Variants in ZNF462 observed in about 807,000 individuals in gnomAD.
ZNF462 encodes zinc finger PBX1-interacting protein.
ZNF462 carries 10 observed loss-of-function variants against 201.9 expected under a neutral mutation model. The observed-to-expected ratio is 0.05, with a 90% CI of 0.03 to 0.08. ZNF462 has a LOEUF of 0.08. Ranked by LOEUF, ZNF462 falls within the 10% of genes least tolerant of loss-of-function variation. The pLI, the probability that ZNF462 is intolerant of heterozygous loss-of-function variation, is 1.00. For missense variants in ZNF462, 2,523 were observed against 3,168.3 expected, an observed-to-expected ratio of 0.80 and a Z score of 4.89; for synonymous variants, 1,227 against 1,193.3, an observed-to-expected ratio of 1.03 and a Z score of -0.58.
intron 1 of ZNF462, among the ~76,000 whole-genome samples, chr9:106,875,071 C>A (rs924280973): frequency 4.6e-5 from 7 of 152,122 alleles, no homozygotes; most frequent in Non-Finnish European, 1.0e-4. Flanking sequence ...TCAAAATTGA[C>A]CCCAGCATAG....
Position 106,890,416 on chromosome 9 carries a change from A to C in ZNF462, c.-31+27061A>C, listed in dbSNP as rs1485042978. 6.6e-6 allele frequency among the ~76,000 whole-genome samples: 1 copy of C among 152,158 alleles called. No individual in the cohort carries two copies. Among genetic ancestry groups the C allele is most frequent in the African/African-American group, 2.4e-5 (1 of 41,424 alleles). On this transcript the variant is annotated intron_variant, in intron 1 of 12. Coordinates refer to ENST00000277225, the MANE Select transcript of ZNF462 (RefSeq NM_021224.6). The surrounding 1 kb of genome is among the most constrained non-coding windows in gnomAD (Gnocchi z 4.2). ...GGAGAATTCCTTCATTTCCTTCTGG[A>C]GTCCTTTTTGGGCATACAAAAATCT...
At chr9:107,001,138 C>T (rs533711759) in intron 10 of ZNF462, among the ~76,000 whole-genome samples, 11 of 152,180 alleles carry the variant, frequency 7.2e-5, no homozygotes, top group African/African-American at 2.6e-4. Context: ...GGAAAGGCTG[C>T]CTTTTATGTG....
chr9:106,862,792 G>A (rs1827112318), upstream of ZNF462, among the ~76,000 whole-genome samples: 1 of 152,086 alleles, frequency 6.6e-6, no homozygotes, highest in Non-Finnish European at 1.5e-5. The surrounding 1 kb of genome is among the most constrained non-coding windows in gnomAD (Gnocchi z 4.2). Flanking sequence ...TCGAGCTCTT[G>A]GATAATTCTT....
rs566923526 is a variant in ZNF462, at chr9:106,925,541, G to A, written c.1629G>A (p.Pro543=). 45 of 1,613,012 alleles carry A rather than the reference G, an allele frequency of 2.8e-5. No homozygotes were observed. The highest frequency in any genetic ancestry group is 2.5e-4 in the South Asian group (23 of 90,988). Residue 543 remains proline (P), a synonymous_variant, in exon 3 of 13, where the codon CCG becomes CCA. Coordinates refer to ENST00000277225, the MANE Select transcript of ZNF462 (RefSeq NM_021224.6). This position sits in a 1 kb window ranked among gnomAD's most constrained non-coding sequence, Gnocchi z 7.9. ...ATCCCTTGCAGCAGCAACAGCCACCGCAGCCACCACCACCGCCGCCGCCAC... is the reference window on the plus strand; with the variant it reads ...ATCCCTTGCAGCAGCAACAGCCACCACAGCCACCACCACCGCCGCCGCCAC... ...MLDPLQQQQP[P]QPPPPPPPPP...
intron 1 of ZNF462, among the ~76,000 whole-genome samples, chr9:106,896,612 G>C (rs957137159): frequency 2.8e-4 from 42 of 152,208 alleles, no homozygotes; most frequent in African/African-American, 9.9e-4. Flanking sequence ...AGAAGGTAAA[G>C]TATATAATCC....
chr9:106,933,034 C>T lies in ZNF462; in HGVS notation c.6116+485C>T. ...GGATGCCAAAGAGTTGCTTGACATA[C>T]AGGGAGATTGAGGAGAGGGAGCTTC... On this transcript the variant is annotated intron_variant, in intron 5 of 12. Transcript: ENST00000277225. This position sits in a 1 kb window ranked among gnomAD's most constrained non-coding sequence, Gnocchi z 4.3. The T allele has an allele frequency of 5.3e-6, 1 of 188,650 alleles. No individual in the cohort carries two copies. The highest frequency in any genetic ancestry group is 1.1e-5 in the Non-Finnish European group (1 of 90,402). The allele number at this position is 188,650 out of a possible 1,614,324, so 11.7% of individuals were successfully genotyped here.
chr9:107,002,861 G>A (rs182083375), intron 10 of ZNF462, among the ~76,000 whole-genome samples: 81 of 152,324 alleles, frequency 5.3e-4, no homozygotes, highest in Admixed American at 2.9e-3. Context: ...GTTGTATTGT[G>A]TCTCACTGCT....
rs1564070711 is a variant in ZNF462, at chr9:106,876,086, A to G, written c.-31+12731A>G. Among the ~76,000 whole-genome samples the G allele has an allele frequency of 6.6e-6, 1 of 152,094 alleles. No homozygotes were observed. ...TGCAGGGGTCTCTGTTAAGAAAGTG[A>G]TGTGTAGTAGGTGGAATATACTCTT... is the stretch of plus-strand genomic sequence containing the variant. On this transcript the variant is annotated intron_variant, in intron 1 of 12. Transcript: ENST00000277225. This position sits in a 1 kb window ranked among gnomAD's most constrained non-coding sequence, Gnocchi z 4.9.
At chr9:106,990,986 G>T (rs1828232625) in intron 10 of ZNF462, among the ~76,000 whole-genome samples, 1 of 152,012 alleles carries the variant, frequency 6.6e-6, no homozygotes, top group Admixed American at 6.6e-5. Flanking sequence ...CAGGGTTCAT[G>T]AGAGAGGAAT....
Position 106,932,268 on chromosome 9 carries a change from G to A in ZNF462, c.6013-178G>A, listed in dbSNP as rs1472274014. On this transcript the variant is annotated intron_variant, in intron 4 of 12. Coordinates refer to ENST00000277225, the MANE Select transcript of ZNF462 (RefSeq NM_021224.6). The surrounding 1 kb of genome is among the most constrained non-coding windows in gnomAD (Gnocchi z 6.8). ...TGTGTGTGTGGTTCTCTTAGCAGGA[G>A]GCGGATGACCCTGCCCACTTGTTCC... 1 of 1,550,946 alleles carries A rather than the reference G, an allele frequency of 6.4e-7. No homozygotes were observed. Among genetic ancestry groups the A allele is most frequent in the Admixed American group, 2.0e-5 (1 of 51,002 alleles).
intron 7 of ZNF462, among the ~76,000 whole-genome samples, chr9:106,945,937 CT>C (rs1259035227): frequency 2.0e-5 from 3 of 152,196 alleles, no homozygotes; most frequent in Non-Finnish European, 4.4e-5. Flanking sequence ...GTGATACACG[CT>C]TCCCAAGATA....
Position 106,927,682 on chromosome 9 carries a change from G to T in ZNF462, c.3770G>T (p.Arg1257Leu), listed in dbSNP as rs746539897. Residue 1257 changes from arginine (R) to leucine (L), a missense_variant, in exon 3 of 13, where the codon CGG (arginine) becomes CTG (leucine). By Grantham distance (102) the Arg-to-Leu change is moderately radical. Transcript: ENST00000277225. Reference protein sequence around the residue: ...CVLVSPSNLERDKTKLRALKC... With the variant: ...CVLVSPSNLELDKTKLRALKC... Reference sequence around the variant, plus strand: ...CTTGTCTCCCCCTCTAATCTGGAGCGGGACAAAACGAAACTCCGAGCACTC... The same window carrying T: ...CTTGTCTCCCCCTCTAATCTGGAGCTGGACAAAACGAAACTCCGAGCACTC... 7 of 1,613,884 alleles carry T rather than the reference G, an allele frequency of 4.3e-6. No homozygotes were observed. Among genetic ancestry groups the T allele is most frequent in the Middle Eastern group, 1.6e-4 (1 of 6,084 alleles).
intron 7 of ZNF462, among the ~76,000 whole-genome samples, chr9:106,969,509 C>A (rs150765979): frequency 6.6e-6 from 1 of 152,186 alleles, no homozygotes; most frequent in Non-Finnish European, 1.5e-5. Flanking sequence ...CAGATCAGTG[C>A]ATGTGTTGAG....
chr9:106,956,678 C>T (rs1831589542), intron 7 of ZNF462, among the ~76,000 whole-genome samples: 1 of 152,162 alleles, frequency 6.6e-6, no homozygotes, highest in African/African-American at 2.4e-5. Context: ...GAGCCAGCTT[C>T]ATCCCTTCTC....
Position 107,003,255 on chromosome 9 carries a change from G to A in ZNF462, c.7057-39G>A. 1.2e-6 allele frequency: 2 copies of A among 1,610,914 alleles called. No individual in the cohort carries two copies. The highest frequency in any genetic ancestry group is 1.7e-6 in the Non-Finnish European group (2 of 1,178,408). On this transcript the variant is annotated intron_variant, in intron 10 of 12. Transcript: ENST00000277225. The surrounding 1 kb of genome is among the most constrained non-coding windows in gnomAD (Gnocchi z 4.4). ...CATCAGGGAGAACCCCATTTGGTCT[G>A]CGGTTTATTATTCCATCATTTGTTT... is the stretch of plus-strand genomic sequence containing the variant.
rs1466149037 is a variant in ZNF462, at chr9:106,968,860, A to G, written c.6428-3145A>G. Among the ~76,000 whole-genome samples, 1 of 152,208 alleles carries G rather than the reference A, an allele frequency of 6.6e-6. No individual in the cohort carries two copies. The highest frequency in any genetic ancestry group is 1.5e-5 in the Non-Finnish European group (1 of 68,038). ...AATGATGATTTTTAACTTATGTGAC[A>G]TGCCCTTCGCAGCTAACAATCTGTT... On this transcript the variant is annotated intron_variant, in intron 7 of 12. Transcript: ENST00000277225. The surrounding 1 kb of genome is among the most constrained non-coding windows in gnomAD (Gnocchi z 4.0).
Position 106,924,264 on chromosome 9 carries a change from A to T in ZNF462, c.352A>T (p.Arg118Trp). 6.2e-7 allele frequency: 1 copy of T among 1,614,200 alleles called. No homozygotes were observed. The highest frequency in any genetic ancestry group is 8.5e-7 in the Non-Finnish European group (1 of 1,180,036). Residue 118 changes from arginine to tryptophan, a missense_variant, in exon 3 of 13, where the codon AGG (arginine) becomes TGG (tryptophan). Coordinates refer to ENST00000277225, the MANE Select transcript of ZNF462 (RefSeq NM_021224.6). This position sits in a 1 kb window ranked among gnomAD's most constrained non-coding sequence, Gnocchi z 6.2. Reference sequence around the variant, plus strand: ...ATGCAAGTTCTGTGTACGCTACTTCAGGTCAAAAAACCTCCTCATAGAACA... The same window carrying T: ...ATGCAAGTTCTGTGTACGCTACTTCTGGTCAAAAAACCTCCTCATAGAACA... ...FQCKFCVRYF[R>W]SKNLLIEHTR...
At position 106,935,201 on chromosome 9, in the gene ZNF462, A is replaced by T. The variant is rs1830582625; in HGVS notation, c.6117-302A>T. ...CATATTGTACCTTCTCTTTAGATAC[A>T]CTCTTCCAATGATCAGAGCTCTAAG... On this transcript the variant is annotated intron_variant, in intron 5 of 12. Coordinates refer to ENST00000277225, the MANE Select transcript of ZNF462 (RefSeq NM_021224.6). This position sits in a 1 kb window ranked among gnomAD's most constrained non-coding sequence, Gnocchi z 4.1. Among the ~76,000 whole-genome samples the T allele has an allele frequency of 6.6e-6, 1 of 152,002 alleles. No homozygotes were observed. Among genetic ancestry groups the T allele is most frequent in the Non-Finnish European group, 1.5e-5 (1 of 68,014 alleles).
At chr9:106,945,054 T>TG (rs1564123325) in intron 7 of ZNF462, among the ~76,000 whole-genome samples, 1 of 152,096 alleles carries the variant, frequency 6.6e-6, no homozygotes, top group Non-Finnish European at 1.5e-5. Flanking sequence ...ATGAGATGAT[T>TG]GGGGGGAATA....
Sources: gnomAD v4.1 joint callset for allele counts (sites outside exome capture counted in the v4.1 genomes callset) on GRCh38, gnomAD v4.1.1 for gene constraint, Gnocchi (gnomAD v3.1) non-coding constraint, MANE v1.5 for transcripts, NCBI Gene and HGNC (gene_info 2026-07-23, HGNC 2026-07-21) for gene names.